DMBX1: variants seen among roughly 807,000 people sequenced by gnomAD.
DMBX1 encodes diencephalon/mesencephalon homeobox 1, also known as diencephalon/mesencephalon homeobox protein 1.
DMBX1 carries 7 observed loss-of-function variants against 30.4 expected under a neutral mutation model. The observed-to-expected ratio is 0.23, with a 90% CI of 0.13 to 0.43. The LOEUF (loss-of-function observed/expected upper bound fraction) is 0.43. DMBX1 is among the 20% of genes least tolerant of loss of function. DMBX1 has a pLI of 1.00. For synonymous variants in DMBX1, 222 were observed against 214.2 expected (o/e 1.04, Z -0.32); for missense variants, 460 against 508.5 (o/e 0.90, Z 0.92).
At chr1:46,500,639 T>A (rs1266225770) in intron 2 of DMBX1, among the ~76,000 whole-genome samples, 1 of 152,034 alleles carries the variant, frequency 6.6e-6, no homozygotes, top group Non-Finnish European at 1.5e-5. Context: ...TAACCTCTGT[T>A]AACATTTCAG....
rs1426333109 is a variant in DMBX1, at chr1:46,513,912, A to G, written c.*1418A>G. On this transcript the variant is annotated 3_prime_UTR_variant, in exon 6 of 6. Transcript: ENST00000360032. ...TGTTCATAGCCAGGAAACCCAGCTC[A>G]GCAAACTCCCTTTCAAAGCTGTGTG... is the stretch of plus-strand genomic sequence containing the variant. 1 of 152,278 alleles carries G rather than the reference A, an allele frequency of 6.6e-6. No homozygotes were observed. The highest frequency in any genetic ancestry group is 1.5e-5 in the Non-Finnish European group (1 of 68,060). The allele number at this position is 152,278 out of a possible 1,614,324, so 9.4% of individuals were successfully genotyped here. A position where few individuals can be genotyped will look rare whatever the true frequency, so the allele number is the denominator to read the frequency against.
chr1:46,512,463 C>G lies in DMBX1; in HGVS notation c.1103C>G (p.Ala368Gly). The G allele has an allele frequency of 6.2e-7, 1 of 1,613,142 alleles. No individual in the cohort carries two copies. The highest frequency in any genetic ancestry group is 8.5e-7 in the Non-Finnish European group (1 of 1,179,592). The change falls in exon 6 of 6, where the codon GCC becomes GGC. Residue 368 changes from alanine to glycine, a missense_variant. Around this residue, in one of 3 missense-constraint regions of DMBX1, gnomAD observed 334 missense variants for 345.1 expected, o/e 0.97. Coordinates refer to ENST00000360032, the MANE Select transcript of DMBX1 (RefSeq NM_172225.2). The surrounding 1 kb of genome is among the most constrained non-coding windows in gnomAD (Gnocchi z 4.8). ...CGGCTCCGGGCCAAGCAGCACGCGGCCTCCCTGGGACTCGATACGCTGCCC... is the reference window on the plus strand; with the variant it reads ...CGGCTCCGGGCCAAGCAGCACGCGGGCTCCCTGGGACTCGATACGCTGCCC... ...NLRLRAKQHAASLGLDTLPN is the reference protein window; with the variant it reads ...NLRLRAKQHAGSLGLDTLPN
chr1:46,493,819 A>G lies in DMBX1; in HGVS notation c.-13+3036A>G, dbSNP rs1665978210. On this transcript the variant is annotated intron_variant, in intron 2 of 5. Coordinates refer to ENST00000360032, the MANE Select transcript of DMBX1 (RefSeq NM_172225.2). The surrounding 1 kb of genome is among the most constrained non-coding windows in gnomAD (Gnocchi z 4.1). ...CAACCGCGCTTTCTGCGCCCGCAGG[A>G]CAGACCCTCCTCCGAGTTCCTCCAG... Among the ~76,000 whole-genome samples the G allele has an allele frequency of 6.6e-6, 1 of 152,258 alleles. No individual in the cohort carries two copies. The highest frequency in any genetic ancestry group is 1.5e-5 in the Non-Finnish European group (1 of 68,052).
intron 2 of DMBX1, among the ~76,000 whole-genome samples, chr1:46,504,771 TG>T (rs1666199881): frequency 6.6e-6 from 1 of 151,504 alleles, no homozygotes; most frequent in African/African-American, 2.4e-5. Context: ...GGTAGCTTGA[TG>T]GGGATGGCAT....
At position 46,512,420 on chromosome 1, in the gene DMBX1, A is replaced by G. The variant is rs1666399666; in HGVS notation, c.1060A>G (p.Thr354Ala). 6.2e-7 allele frequency: 1 copy of G among 1,613,750 alleles called. No homozygotes were observed. The change falls in exon 6 of 6, where the codon ACA becomes GCA. Residue 354 changes from threonine (T) to alanine (A), a missense_variant. By Grantham distance (58) the Thr-to-Ala change is moderately conservative. This residue lies in a region of DMBX1 where 334 missense variants were observed against 345.1 expected (regional missense o/e 0.97). Coordinates refer to ENST00000360032, the MANE Select transcript of DMBX1 (RefSeq NM_172225.2). The surrounding 1 kb of genome is among the most constrained non-coding windows in gnomAD (Gnocchi z 4.8). The part of the protein sequence containing the change: ...PASATLNSKT[T>A]SIENLRLRAK... ...ATCAGCTACCCTGAACAGTAAAACC[A>G]CAAGCATCGAGAACCTGCGGCTCCG... is the stretch of plus-strand genomic sequence containing the variant.
rs1346593922 is a variant in DMBX1 at position 46,516,098 on chromosome 1, C to T, written c.*3604C>T. Among the ~76,000 whole-genome samples, 3 of 152,250 alleles carry T rather than the reference C, an allele frequency of 2.0e-5. No individual in the cohort carries two copies. The highest frequency in any genetic ancestry group is 2.9e-5 in the Non-Finnish European group (2 of 68,046). ...TCACCCCTGCCTGTCCCCTCGCCTG[C>T]CCCCTGTGTAGTGCTGCATGACACT... On this transcript the variant is annotated 3_prime_UTR_variant, in exon 6 of 6. Coordinates refer to ENST00000360032, the MANE Select transcript of DMBX1 (RefSeq NM_172225.2).
At chr1:46,508,315 G>A (rs938990981) in intron 3 of DMBX1, among the ~76,000 whole-genome samples, 4 of 152,220 alleles carry the variant, frequency 2.6e-5, no homozygotes, top group African/African-American at 9.6e-5. Flanking sequence ...GTCAGGAAGA[G>A]CTTTCTGAAA....
chr1:46,504,969 C>A (rs898174166), intron 2 of DMBX1, among the ~76,000 whole-genome samples: 2 of 152,094 alleles, frequency 1.3e-5, no homozygotes, highest in African/African-American at 2.4e-5. Context: ...CAAAAGAAGA[C>A]ATTTATGCAG....
At chr1:46,511,388 C>A in intron 5 of DMBX1, 105 bp downstream of exon 5, 1 of 1,254,240 alleles carries the variant, frequency 8.0e-7, no homozygotes, top group Non-Finnish European at 1.1e-6. Context: ...CATGGCGCAT[C>A]AGAAAGGACT....
chr1:46,506,474 A>G (rs1167186239), intron 2 of DMBX1, among the ~76,000 whole-genome samples: 6 of 152,258 alleles, frequency 3.9e-5, no homozygotes, highest in East Asian at 3.8e-4. Flanking sequence ...GAGTGAATCA[A>G]TGAAGGTAAA....
intron 2 of DMBX1, among the ~76,000 whole-genome samples, chr1:46,495,615 G>T (rs575130430): frequency 2.6e-5 from 4 of 152,204 alleles, no homozygotes; most frequent in Admixed American, 2.0e-4. Context: ...CTACAATTTG[G>T]TAAGGATAGG....
rs1270981438 is a variant in DMBX1, at chr1:46,510,282, AT to A, written c.155-193del. On this transcript the variant is annotated intron_variant, in intron 3 of 5. Transcript: ENST00000360032. This position sits in a 1 kb window ranked among gnomAD's most constrained non-coding sequence, Gnocchi z 4.1. ...ACCTCTGTGGTCCTGATAGTGCATA[AT>A]GGGGTGGAGAGACCTTGAAAGCCCA... 1.3e-5 allele frequency among the ~76,000 whole-genome samples: 2 copies of A among 152,136 alleles called. No homozygotes were observed. Among genetic ancestry groups the A allele is most frequent in the Non-Finnish European group, 2.9e-5 (2 of 68,024 alleles).
intron 2 of DMBX1, among the ~76,000 whole-genome samples, chr1:46,495,966 T>C (rs1569880475): frequency 6.6e-6 from 1 of 151,532 alleles, no homozygotes; most frequent in East Asian, 2.0e-4. Flanking sequence ...GCTTTGAAGG[T>C]ATCAGAGAGA....
Position 46,514,317 on chromosome 1 carries a change from C to T in DMBX1, c.*1823C>T, listed in dbSNP as rs1666449525. On this transcript the variant is annotated 3_prime_UTR_variant, in exon 6 of 6. Coordinates refer to ENST00000360032, the MANE Select transcript of DMBX1 (RefSeq NM_172225.2). ...GTTAGATGGCCTGTAAGGTCCTAGC[C>T]AGCTCTACATTCTGCATTTGCTCGC... 6.6e-6 allele frequency: 1 copy of T among 152,210 alleles called. No homozygotes were observed. The highest frequency in any genetic ancestry group is 2.4e-5 in the African/African-American group (1 of 41,444). 9.4% of individuals were successfully genotyped at this position (152,210 alleles called of 1,614,324 possible).
intron 2 of DMBX1, among the ~76,000 whole-genome samples, chr1:46,499,194 G>A (rs1242898861): frequency 1.3e-5 from 2 of 151,978 alleles, no homozygotes; most frequent in African/African-American, 4.8e-5. Context: ...CTGACACCAC[G>A]CCTGGCTAAT....
In DMBX1 at chr1:46,510,799, G is replaced by A. The variant is rs1348495304; in HGVS notation, c.334-136G>A. On this transcript the variant is annotated intron_variant, in intron 4 of 5. Coordinates refer to ENST00000360032, the MANE Select transcript of DMBX1 (RefSeq NM_172225.2). This position sits in a 1 kb window ranked among gnomAD's most constrained non-coding sequence, Gnocchi z 4.1. ...GCCTTCAGTGATAGGAGGGGAGTTT[G>A]GGAAGGGACAGAGGGTGTGCATTCC... The A allele has an allele frequency of 1.5e-6, 2 of 1,350,900 alleles. No individual in the cohort carries two copies. The highest frequency in any genetic ancestry group is 2.9e-5 in the African/African-American group (2 of 68,140). 83.7% of individuals were successfully genotyped at this position (1,350,900 alleles called of 1,614,324 possible).
rs374657661 is a variant in DMBX1, at chr1:46,502,889, A to AAAAAC, written c.-12-4095_-12-4091dup. Among the ~76,000 whole-genome samples, 1,032 of 152,262 alleles carry AAAAAC rather than the reference A, an allele frequency of 6.8e-3. 14 individuals are homozygous for AAAAAC. Among genetic ancestry groups the AAAAAC allele is most frequent in the African/African-American group, 0.023 (959 of 41,528 alleles). On this transcript the variant is annotated intron_variant, in intron 2 of 5. Coordinates refer to ENST00000360032, the MANE Select transcript of DMBX1 (RefSeq NM_172225.2). ...AGCGAGACCCTGTCTCAGAAATAAA[A>AAAAAC]AAAACAAAACAAAACAAAAAAACCC...
chr1:46,512,122 C>T lies in DMBX1; in HGVS notation c.762C>T (p.Ser254=), dbSNP rs1359850077. 1 of 1,613,996 alleles carries T rather than the reference C, an allele frequency of 6.2e-7. No individual in the cohort carries two copies. The highest frequency in any genetic ancestry group is 8.5e-7 in the Non-Finnish European group (1 of 1,179,982). Residue 254 remains serine, a synonymous_variant, in exon 6 of 6, where the codon TCC becomes TCT. Coordinates refer to ENST00000360032, the MANE Select transcript of DMBX1 (RefSeq NM_172225.2). The surrounding 1 kb of genome is among the most constrained non-coding windows in gnomAD (Gnocchi z 4.8). ...GCCCCTCCCACTCCTATTCCTCGTC[C>T]CCGCTGAGCCTCTTCCGTCTGCAGG... ...LLGPSHSYSS[S]PLSLFRLQEQ...
intron 2 of DMBX1, among the ~76,000 whole-genome samples, chr1:46,494,708 C>T (rs1665996349): frequency 6.6e-6 from 1 of 152,188 alleles, no homozygotes; most frequent in African/African-American, 2.4e-5. Context: ...TGAAGTCCAG[C>T]ACCTCTTCCA....
Sources: allele counts gnomAD v4.1 joint callset (sites outside exome capture counted in the v4.1 genomes callset), GRCh38; gene constraint gnomAD v4.1.1; regional missense constraint gnomAD v4.1.1; non-coding constraint Gnocchi (gnomAD v3.1); transcripts MANE v1.5; gene names NCBI Gene and HGNC (gene_info 2026-07-23, HGNC 2026-07-21).